The following RLIM variants were observed in gnomAD, a reference collection of about 807,000 sequenced individuals.
RLIM encodes the protein E3 ubiquitin-protein ligase RLIM.
In RLIM, 2 loss-of-function variants were observed where a neutral mutation model predicts 34.0. That is an observed-to-expected ratio of 0.06 (90% CI 0.02 to 0.19). The LOEUF (loss-of-function observed/expected upper bound fraction) is 0.19, where lower values mean the gene tolerates loss of function less well. RLIM is among the 10% of genes least tolerant of loss of function. The pLI is 1.00. For synonymous variants in RLIM, 169 were observed against 164.0 expected, an observed-to-expected ratio of 1.03 and a Z score of -0.23; for missense variants, 286 against 479.7, an observed-to-expected ratio of 0.60 and a Z score of 3.77.
rs771072717 is a variant in RLIM at position 74,593,023 on chromosome X, T to G, written c.292A>C (p.Ile98Leu). The G allele has an allele frequency of 4.0e-5, 48 of 1,206,957 alleles. No individual in the cohort carries two copies. Among genetic ancestry groups the G allele is most frequent in the Middle Eastern group, 4.6e-4 (2 of 4,367 alleles). Residue 98 changes from isoleucine (I) to leucine (L), a missense_variant, in exon 4 of 4, where the codon ATA becomes CTA. This residue lies in a region of RLIM where 62 missense variants were observed against 71.3 expected (regional missense o/e 0.87). Transcript: ENST00000332687. Reference sequence around the variant, plus strand: ...CTGACAGAGTTAAGCCAGTCTATTATAGAGTCACCATTAGACACATCATCT... The same window carrying G: ...CTGACAGAGTTAAGCCAGTCTATTAGAGAGTCACCATTAGACACATCATCT... Reference protein sequence around the residue: ...SSDDVSNGDSIIDWLNSVRQT... With the variant: ...SSDDVSNGDSLIDWLNSVRQT...
At chrX:74,608,185 A>G (rs1396018022) in intron 1 of RLIM, among the ~76,000 whole-genome samples, 1 of 111,976 alleles carries the variant, frequency 8.9e-6, no homozygotes, top group Non-Finnish European at 1.9e-5. Context: ...AGAAGTCTCC[A>G]TCAATATTAG....
chrX:74,606,569 C>T (rs907328251), intron 1 of RLIM, among the ~76,000 whole-genome samples: 80 of 111,860 alleles, frequency 7.2e-4, no homozygotes, highest in Admixed American at 5.3e-3. Flanking sequence ...AATCCATGCA[C>T]ACCAAACTTT....
At position 74,583,139 on chromosome X, in the gene RLIM, T is replaced by G. The variant is rs749004309; in HGVS notation, c.*8301A>C. The G allele has an allele frequency of 5.0e-6, 6 of 1,197,060 alleles. No homozygotes were observed. In the East Asian group the frequency reaches 1.8e-4, roughly 35 times the overall value. On this transcript the variant is annotated 3_prime_UTR_variant, in exon 4 of 4. Transcript: ENST00000332687. The stretch of plus-strand genomic sequence containing the variant: ...TGTTAACTGCTTTCTGGGCAGTCTC[T>G]TTAGCTTGGTGGGCTTGTAGTACAG...
At chrX:74,610,132 G>A (rs1200047716) in intron 1 of RLIM, among the ~76,000 whole-genome samples, 1 of 112,361 alleles carries the variant, frequency 8.9e-6, no homozygotes, top group Non-Finnish European at 1.9e-5. Context: ...CTCTTGGATT[G>A]GTGGCCAGGC....
chrX:74,595,684 C>G, intron 2 of RLIM, 125 bp downstream of exon 2: 1 of 436,315 alleles, frequency 2.3e-6, no homozygotes, highest in Non-Finnish European at 3.8e-6. Flanking sequence ...AAATGTCATT[C>G]CATATCCCCT....
chrX:74,608,202 G>T (rs1485945414), intron 1 of RLIM, among the ~76,000 whole-genome samples: 1 of 111,165 alleles, frequency 9.0e-6, no homozygotes, highest in Non-Finnish European at 1.9e-5. Context: ...TTAGAGTATT[G>T]GATTAAACCA....
intron 1 of RLIM, among the ~76,000 whole-genome samples, chrX:74,610,895 A>AGT (rs2079707589): frequency 9.0e-6 from 1 of 110,735 alleles, no homozygotes; most frequent in African/African-American, 3.3e-5. Flanking sequence ...GTCTCAAAAA[A>AGT]ATAAAAAAAT....
At position 74,593,810 on chromosome X, in the gene RLIM, T is replaced by G. The variant is rs143138136; in HGVS notation, c.253+496A>C. Among the ~76,000 whole-genome samples, 262 of 112,390 alleles carry G rather than the reference T, an allele frequency of 2.3e-3. 1 individual carries two copies. Among genetic ancestry groups the G allele is most frequent in the African/African-American group, 7.8e-3 (241 of 30,957 alleles). ...TTTCTCAACAGTGGTACTACTGACA[T>G]TTTAAGCCAGTTAATTCTGTGTCAT... is the stretch of plus-strand genomic sequence containing the variant. On this transcript the variant is annotated intron_variant, in intron 3 of 3. Transcript: ENST00000332687.
intron 1 of RLIM, among the ~76,000 whole-genome samples, chrX:74,609,538 A>T (rs1017658731): frequency 8.2e-5 from 9 of 109,738 alleles, no homozygotes; most frequent in Non-Finnish European, 1.5e-4. Context: ...TTAACTAAAA[A>T]AGAAAGTATT....
chrX:74,602,246 A>G (rs2079664490), intron 1 of RLIM, among the ~76,000 whole-genome samples: 1 of 111,939 alleles, frequency 8.9e-6, no homozygotes. Context: ...ACCCATAGTA[A>G]AAGTACACAG....
In RLIM at chrX:74,591,222, G is replaced by A. The variant is rs918913985; in HGVS notation, c.*218C>T. ...TGATGCTACCAATTTAACTGGTACG[G>A]AAATCAGATTTTTAGGTCCTATAAC... On this transcript the variant is annotated 3_prime_UTR_variant, in exon 4 of 4. Coordinates refer to ENST00000332687, the MANE Select transcript of RLIM (RefSeq NM_016120.4). 4.1e-5 allele frequency: 16 copies of A among 386,505 alleles called. No individual in the cohort carries two copies. Among genetic ancestry groups the A allele is most frequent in the African/African-American group, 2.7e-4 (11 of 40,060 alleles). 31.9% of individuals were successfully genotyped at this position (386,505 alleles called of 1,213,427 possible).
chrX:74,595,524 G>C (rs2079635996), intron 2 of RLIM, among the ~76,000 whole-genome samples: 1 of 111,426 alleles, frequency 9.0e-6, no homozygotes, highest in Non-Finnish European at 1.9e-5. Context: ...TATCTAGTAA[G>C]TTAGATAAAG....
chrX:74,599,105 T>G (rs1013819742), intron 1 of RLIM, among the ~76,000 whole-genome samples: 1 of 112,001 alleles, frequency 8.9e-6, no homozygotes, highest in Admixed American at 9.5e-5. Context: ...TTTCTCTCTT[T>G]TGTGTGACAA....
intron 1 of RLIM, among the ~76,000 whole-genome samples, chrX:74,609,216 G>A (rs989699406): frequency 1.8e-5 from 2 of 110,501 alleles, no homozygotes; most frequent in African/African-American, 3.3e-5. Flanking sequence ...AGCCGGGTGC[G>A]GTGGCTCACG....
chrX:74,601,276 T>C (rs1380173002), intron 1 of RLIM, among the ~76,000 whole-genome samples: 2 of 111,188 alleles, frequency 1.8e-5, no homozygotes, highest in African/African-American at 6.5e-5. Context: ...TCAAAGAAAA[T>C]CAAAAGCCAA....
rs7056965 is a variant in RLIM, at chrX:74,600,895, G to A, written c.-23-4895C>T. On this transcript the variant is annotated intron_variant, in intron 1 of 3. Transcript: ENST00000332687. ...AAGAGCTTGGCGTGGTGGCCCATGC[G>A]TGTAATCCCAGCTACTTGGGAGGGA... is the stretch of plus-strand genomic sequence containing the variant. Among the ~76,000 whole-genome samples, 529 of 107,526 alleles carry A rather than the reference G, an allele frequency of 4.9e-3. 5 individuals are homozygous for A. The highest frequency in any genetic ancestry group is 0.016 in the African/African-American group (477 of 29,396). The allele number at this position is 107,526 out of a possible 115,157, so 93.4% of individuals were successfully genotyped here. A position where few individuals can be genotyped will look rare whatever the true frequency, so the allele number is the denominator to read the frequency against.
At chrX:74,601,976 C>CCTGTGTT (rs754597150) in intron 1 of RLIM, among the ~76,000 whole-genome samples, 101 of 111,510 alleles carry the variant, frequency 9.1e-4, no homozygotes, top group Non-Finnish European at 1.6e-3. Context: ...TTGTTGAACA[C>CCTGTGTT]CACCCTCAAA....
intron 1 of RLIM, among the ~76,000 whole-genome samples, chrX:74,600,760 C>T (rs1331879820): frequency 9.2e-6 from 1 of 108,288 alleles, no homozygotes; most frequent in Admixed American, 9.9e-5. Context: ...ACCTGTAATC[C>T]CAGCACTCTG....
chrX:74,597,944 T>A (rs2079646455), intron 1 of RLIM, among the ~76,000 whole-genome samples: 1 of 112,309 alleles, frequency 8.9e-6, no homozygotes, highest in Non-Finnish European at 1.9e-5. Flanking sequence ...AAACAATAAA[T>A]AGCTTGGAAA....
Sources: allele counts gnomAD v4.1 joint callset (sites outside exome capture counted in the v4.1 genomes callset), GRCh38; gene constraint gnomAD v4.1.1; regional missense constraint gnomAD v4.1.1; transcripts MANE v1.5; gene names NCBI Gene and HGNC (gene_info 2026-07-23, HGNC 2026-07-21).